MANBA: variants seen among roughly 807,000 people sequenced by gnomAD.
The protein encoded by MANBA is beta-mannosidase.
A neutral mutation model predicts 111.1 loss-of-function variants in MANBA; 83 were observed. The observed-to-expected ratio is 0.75, with a 90% CI of 0.63 to 0.90. The LOEUF (loss-of-function observed/expected upper bound fraction) is 0.90. MANBA is among the 40% of genes least tolerant of loss of function. The pLI is 0.00. For missense variants in MANBA, 1,036 were observed against 1,069.0 expected, an observed-to-expected ratio of 0.97 and a Z score of 0.43; for synonymous variants, 370 against 378.7, an observed-to-expected ratio of 0.98 and a Z score of 0.27.
intron 13 of MANBA, among the ~76,000 whole-genome samples, chr4:102,641,971 A>ACAGTG (rs1729897058): frequency 6.6e-6 from 1 of 151,800 alleles, no homozygotes; most frequent in Admixed American, 6.6e-5. Flanking sequence ...AGGCTCTGGC[A>ACAGTG]CAGTGCAGTA....
chr4:102,643,974 A>G (rs1729993242), intron 13 of MANBA, among the ~76,000 whole-genome samples: 2 of 152,268 alleles, frequency 1.3e-5, no homozygotes, highest in Non-Finnish European at 2.9e-5. Flanking sequence ...CTGTTGCCTA[A>G]CCAAAAGCCA....
chr4:102,662,875 A>C (rs1332597288), intron 11 of MANBA: 1 of 152,774 alleles, frequency 6.5e-6, no homozygotes, highest in Non-Finnish European at 1.5e-5. Flanking sequence ...TAATGTGTTG[A>C]GCATATTAAG....
intron 1 of MANBA, among the ~76,000 whole-genome samples, chr4:102,738,741 G>A (rs949221321): frequency 1.3e-5 from 2 of 152,104 alleles, no homozygotes; most frequent in East Asian, 1.9e-4. Flanking sequence ...GCAATGGATC[G>A]AACCAAGAAG....
At chr4:102,668,145 T>C (rs961738739) in intron 10 of MANBA, 1 of 152,214 alleles carries the variant, frequency 6.6e-6, no homozygotes, top group African/African-American at 2.4e-5. Flanking sequence ...AGAGGAAATA[T>C]AATGCAATCT....
At chr4:102,653,097 T>C (rs1730408137) in intron 12 of MANBA, among the ~76,000 whole-genome samples, 1 of 152,172 alleles carries the variant, frequency 6.6e-6, no homozygotes, top group African/African-American at 2.4e-5. Flanking sequence ...AAATGGTCTA[T>C]ACTAAAGGTA....
chr4:102,722,483 A>T, intron 4 of MANBA: 1 of 255,900 alleles, frequency 3.9e-6, no homozygotes, highest in Non-Finnish European at 7.7e-6. Flanking sequence ...ATGCAAGAAC[A>T]TATCATCAAA....
chr4:102,726,710 T>C, intron 1 of MANBA, 27 bp from the exon 2 acceptor site: 1 of 1,038,282 alleles, frequency 9.6e-7, no homozygotes, highest in East Asian at 2.4e-5. Flanking sequence ...AAAATTATGG[T>C]AGATGGTTAA....
At chr4:102,744,116 C>T (rs1252677206) in intron 1 of MANBA, among the ~76,000 whole-genome samples, 1 of 152,226 alleles carries the variant, frequency 6.6e-6, no homozygotes, top group Non-Finnish European at 1.5e-5. Context: ...CAGAGTAACA[C>T]AACCAAATGT....
intron 8 of MANBA, 133 bp downstream of exon 8, chr4:102,673,786 T>G: frequency 2.5e-6 from 2 of 808,786 alleles, no homozygotes; most frequent in Non-Finnish European, 2.0e-6. Flanking sequence ...ATTCTGAAGT[T>G]TCCATCGTCT....
intron 5 of MANBA, among the ~76,000 whole-genome samples, chr4:102,712,865 C>T (rs1722142135): frequency 6.6e-6 from 1 of 152,032 alleles, no homozygotes; most frequent in Non-Finnish European, 1.5e-5. Context: ...TTATTTATAC[C>T]TGAGAAAACG....
chr4:102,671,450 T>G, intron 8 of MANBA, 52 bp from the exon 9 acceptor site: 1 of 1,063,346 alleles, frequency 9.4e-7, no homozygotes, highest in South Asian at 1.3e-5. Flanking sequence ...AAAAACAGAT[T>G]GTGACAGATA....
Position 102,690,698 on chromosome 4 carries a change from A to G in MANBA, c.747T>C (p.Gly249=). The G allele has an allele frequency of 6.2e-7, 1 of 1,609,438 alleles. No individual in the cohort carries two copies. Among genetic ancestry groups the G allele is most frequent in the Non-Finnish European group, 8.5e-7 (1 of 1,176,864 alleles). The change falls in exon 6 of 17, where the codon GGT becomes GGC. Residue 249 remains glycine, a synonymous_variant. Transcript: ENST00000647097. ...ACTTAGGGATGGCTACGATCACTTGACCACCAACTGGCTTTGAGCTGACAA... is the reference window on the plus strand; with the variant it reads ...ACTTAGGGATGGCTACGATCACTTGGCCACCAACTGGCTTTGAGCTGACAA... ...FDVVSSKPVG[G]QVIVAIPKLQ...
In MANBA at chr4:102,691,557, C is replaced by T. The variant is rs76886288; in HGVS notation, c.674-786G>A. Among the ~76,000 whole-genome samples, 920 of 150,612 alleles carry T rather than the reference C, an allele frequency of 6.1e-3. 12 individuals are homozygous for T. Among genetic ancestry groups the T allele is most frequent in the African/African-American group, 0.02 (818 of 41,014 alleles). On this transcript the variant is annotated intron_variant, in intron 5 of 16. Transcript: ENST00000647097. ...GACACAGGTTCTCACTCTGTTGCCC[C>T]GGGAGTCACACAATCATAGCTCACT...
At chr4:102,709,255 G>T (rs1291482175) in intron 5 of MANBA, among the ~76,000 whole-genome samples, 1 of 133,206 alleles carries the variant, frequency 7.5e-6, no homozygotes, top group Non-Finnish European at 1.6e-5. Context: ...AAGAAAGAAA[G>T]AAAGAGAGAG....
At chr4:102,734,907 T>G (rs749675112) in intron 1 of MANBA, among the ~76,000 whole-genome samples, 21 of 152,218 alleles carry the variant, frequency 1.4e-4, no homozygotes, top group Non-Finnish European at 2.6e-4. Flanking sequence ...AGAGTCACAT[T>G]TTCTTACTTA....
chr4:102,729,318 C>T (rs1041603245), intron 1 of MANBA: 21 of 755,164 alleles, frequency 2.8e-5, no homozygotes, highest in Admixed American at 2.8e-4. Flanking sequence ...GCTCCTCATC[C>T]TTGATCTGGT....
intron 1 of MANBA, among the ~76,000 whole-genome samples, chr4:102,743,082 T>A (rs534556389): frequency 6.6e-6 from 1 of 152,074 alleles, no homozygotes; most frequent in African/African-American, 2.4e-5. Context: ...ACAGAACGAG[T>A]CATCCTATTC....
intron 11 of MANBA, chr4:102,663,078 C>T (rs756496853): frequency 3.9e-5 from 6 of 151,918 alleles, no homozygotes; most frequent in Non-Finnish European, 8.8e-5. Flanking sequence ...CATGGCATAA[C>T]AGGTGTTTAA....
chr4:102,747,070 T>A (rs946027457), intron 1 of MANBA, among the ~76,000 whole-genome samples: 1 of 151,718 alleles, frequency 6.6e-6, no homozygotes, highest in Non-Finnish European at 1.5e-5. Context: ...ATAAAAGAAC[T>A]CCATCCTTAA....
Sources: gnomAD v4.1 joint callset for allele counts (sites outside exome capture counted in the v4.1 genomes callset) on GRCh38, gnomAD v4.1.1 for gene constraint, MANE v1.5 for transcripts, NCBI Gene and HGNC (gene_info 2026-07-23, HGNC 2026-07-21) for gene names.